The following ANXA8 variants were observed in gnomAD, a reference collection of about 807,000 sequenced individuals.
ANXA8 encodes annexin A8.
A neutral mutation model predicts 26.8 loss-of-function variants in ANXA8; 9 were observed. The observed-to-expected ratio is 0.34, with a 90% confidence interval of 0.20 to 0.59. The LOEUF is 0.59. Among genes scored for constraint, ANXA8 ranks in the 20% least tolerant of loss-of-function variants. The probability of loss-of-function intolerance (pLI) is 0.84; values close to 1 mark genes in which losing one functional copy is unlikely to be tolerated. For missense variants in ANXA8, 83 were observed against 238.5 expected, an observed-to-expected ratio of 0.35 and a Z score of 4.29; for synonymous variants, 39 against 94.8, an observed-to-expected ratio of 0.41 and a Z score of 3.42.
chr10:47,510,007 G>T, the ANXA8 span, among the ~76,000 whole-genome samples: 2 of 141,870 alleles, frequency 1.4e-5, no homozygotes, highest in Non-Finnish European at 3.1e-5. Flanking sequence ...CTTCCACCAC[G>T]ACGTCTAAGA....
the ANXA8 span, among the ~76,000 whole-genome samples, chr10:47,733,209 CTTTCTTTCTT>C: frequency 1.4e-3 from 92 of 63,966 alleles, 1 homozygote; most frequent in African/African-American, 3.6e-3. Flanking sequence ...TTCTTTCTTT[CTTTCTTTCTT>C]TCTCTTTCTT....
the ANXA8 span, among the ~76,000 whole-genome samples, chr10:47,743,087 C>T: frequency 2.9e-5 from 4 of 140,056 alleles, no homozygotes; most frequent in African/African-American, 1.1e-4. Flanking sequence ...AGGAGAATGG[C>T]GTGAACCCGG....
chr10:47,580,512 G>A, the ANXA8 span, among the ~76,000 whole-genome samples: 1 of 150,926 alleles, frequency 6.6e-6, no homozygotes, highest in Non-Finnish European at 1.5e-5. Context: ...GAGACAGGCG[G>A]ATCACTTGAC....
chr10:47,649,628 C>T, the ANXA8 span, among the ~76,000 whole-genome samples: 3 of 151,556 alleles, frequency 2.0e-5, no homozygotes, highest in South Asian at 2.1e-4. Flanking sequence ...AGGCTGGTCT[C>T]GAACTCCTGA....
chr10:47,651,701 C>G, the ANXA8 span, among the ~76,000 whole-genome samples: 1,770 of 150,866 alleles, frequency 0.012, 39 homozygotes, highest in African/African-American at 0.041. Context: ...TTAAGACCAG[C>G]CTGACCAACA....
the ANXA8 span, among the ~76,000 whole-genome samples, chr10:47,575,325 T>A: frequency 3.4e-5 from 2 of 58,540 alleles, no homozygotes; most frequent in African/African-American, 1.0e-4. Context: ...TATGATTTTT[T>A]AATTTTTTAA....
the ANXA8 span, among the ~76,000 whole-genome samples, chr10:47,696,723 G>T: frequency 7.1e-6 from 1 of 141,796 alleles, no homozygotes; most frequent in Non-Finnish European, 1.6e-5. Context: ...TGGGTATCAT[G>T]TTTCGTTTTC....
At chr10:47,572,778 T>A in the ANXA8 span, among the ~76,000 whole-genome samples, 1 of 149,462 alleles carries the variant, frequency 6.7e-6, no homozygotes, top group South Asian at 2.1e-4. Context: ...CTACTTGTAA[T>A]CTGTGCATCC....
chr10:47,548,434 T>A, the ANXA8 span, among the ~76,000 whole-genome samples: 8 of 151,692 alleles, frequency 5.3e-5, no homozygotes, highest in South Asian at 2.1e-4. Flanking sequence ...CCTAAGTAAC[T>A]GGGATTACAG....
the ANXA8 span, among the ~76,000 whole-genome samples, chr10:47,584,904 A>G: frequency 7.0e-6 from 1 of 143,112 alleles, no homozygotes; most frequent in African/African-American, 2.9e-5. Context: ...CCTGGCCAAC[A>G]TGGCGAAACC....
the ANXA8 span, among the ~76,000 whole-genome samples, chr10:47,610,771 T>C: frequency 1.4e-5 from 2 of 145,672 alleles, no homozygotes; most frequent in African/African-American, 5.1e-5. Context: ...ATTCTGTAGA[T>C]TGAGATTTGC....
At chr10:47,687,946 T>A in the ANXA8 span, among the ~76,000 whole-genome samples, 10 of 151,634 alleles carry the variant, frequency 6.6e-5, no homozygotes, top group Non-Finnish European at 1.3e-4. Flanking sequence ...CTAAAAAAAC[T>A]AAAATTAGCT....
At chr10:47,720,429 T>C in the ANXA8 span, among the ~76,000 whole-genome samples, 2 of 147,040 alleles carry the variant, frequency 1.4e-5, no homozygotes, top group Admixed American at 1.3e-4. Flanking sequence ...TGATGTCACC[T>C]CTGAGTTGTT....
chr10:47,607,364 T>A, the ANXA8 span, among the ~76,000 whole-genome samples: 4 of 145,236 alleles, frequency 2.8e-5, no homozygotes, highest in East Asian at 8.0e-4. Context: ...ATTCTTAAAA[T>A]GCACAGAACC....
At chr10:47,500,415 A>C in the ANXA8 span, among the ~76,000 whole-genome samples, 2 of 146,972 alleles carry the variant, frequency 1.4e-5, no homozygotes, top group African/African-American at 5.1e-5. Flanking sequence ...TGCATCACCT[A>C]TCTCTCTACA....
At chr10:47,936,605 T>TG in the ANXA8 span, among the ~76,000 whole-genome samples, 1 of 126,458 alleles carries the variant, frequency 7.9e-6, no homozygotes, top group Non-Finnish European at 1.7e-5. Context: ...CATGCTGGAG[T>TG]GGGGCTGCTG....
At chr10:47,582,516 A>G in the ANXA8 span, among the ~76,000 whole-genome samples, 55 of 140,884 alleles carry the variant, frequency 3.9e-4, no homozygotes, top group East Asian at 0.011. Flanking sequence ...AAGTGGAGGT[A>G]TTGGAGGGAC....
chr10:47,595,590 A>G, the ANXA8 span, among the ~76,000 whole-genome samples: 1 of 149,472 alleles, frequency 6.7e-6, no homozygotes, highest in South Asian at 2.1e-4. Flanking sequence ...AATGGAAAAC[A>G]TAAAAGAGCA....
the ANXA8 span, among the ~76,000 whole-genome samples, chr10:47,649,297 T>C: frequency 7.0e-3 from 1,065 of 151,678 alleles, 57 homozygotes; most frequent in African/African-American, 0.025. Flanking sequence ...ATTATTCCAT[T>C]TCACATCCTC....
Sources: allele counts gnomAD v4.1 joint callset (sites outside exome capture counted in the v4.1 genomes callset), GRCh38; gene constraint gnomAD v4.1.1; transcripts MANE v1.5; gene names NCBI Gene and HGNC (gene_info 2026-07-23, HGNC 2026-07-21).